The following JAKMIP2 variants were observed in gnomAD, a reference collection of about 807,000 sequenced individuals.
JAKMIP2 encodes the protein janus kinase and microtubule interacting protein 2, also known as janus kinase and microtubule-interacting protein 2.
Under a neutral mutation model 115.0 loss-of-function variants are expected in JAKMIP2, and 25 were observed. That is an observed-to-expected ratio of 0.22 (90% CI 0.16 to 0.30). The LOEUF (loss-of-function observed/expected upper bound fraction) is 0.30. Among genes scored for constraint, JAKMIP2 ranks in the 10% least tolerant of loss-of-function variants. The pLI is 1.00. For synonymous variants in JAKMIP2, 334 were observed against 343.6 expected (o/e 0.97, Z 0.31); for missense variants, 642 against 957.6 (o/e 0.67, Z 4.35).
chr5:147,685,582 A>C (rs985135157), intron 1 of JAKMIP2, among the ~76,000 whole-genome samples: 3 of 152,196 alleles, frequency 2.0e-5, no homozygotes, highest in African/African-American at 7.2e-5. Context: ...GAAATACTTC[A>C]GTTTGTTTTT....
intron 21 of JAKMIP2, among the ~76,000 whole-genome samples, chr5:147,593,112 CAGAGAACTGA>C (rs961384989): frequency 7.9e-5 from 12 of 152,200 alleles, no homozygotes; most frequent in African/African-American, 2.9e-4. Context: ...TATATGTGAG[CAGAGAACTGA>C]AGAGTGATGA....
intron 1 of JAKMIP2, among the ~76,000 whole-genome samples, chr5:147,770,328 T>C (rs1004340920): frequency 6.6e-6 from 1 of 152,066 alleles, no homozygotes; most frequent in African/African-American, 2.4e-5. Flanking sequence ...TTGCTCCACC[T>C]GGGTCAGAGG....
rs4705178 is a variant in JAKMIP2, at chr5:147,586,648, T to C, written c.*5059A>G. On this transcript the variant is annotated 3_prime_UTR_variant, in exon 22 of 22. Transcript: ENST00000616793. ...ACCCTCACCAAATCAACCACGTGTA[T>C]CTCTGCCACATTAATTTGAATATAG... is the stretch of plus-strand genomic sequence containing the variant. 0.95 allele frequency: 145,324 copies of C among 152,220 alleles called. 69,727 individuals carry two copies. The highest frequency in any genetic ancestry group is 1 in the East Asian group (5,186 of 5,186). The allele number at this position is 152,220 out of a possible 1,614,324, so 9.4% of individuals were successfully genotyped here. A position where few individuals can be genotyped will look rare whatever the true frequency, so the allele number is the denominator to read the frequency against.
At chr5:147,695,173 A>G (rs1312498058) in intron 1 of JAKMIP2, among the ~76,000 whole-genome samples, 1 of 152,146 alleles carries the variant, frequency 6.6e-6, no homozygotes, top group Non-Finnish European at 1.5e-5. Flanking sequence ...TTTTTGTACT[A>G]AGTTTGGCAG....
At chr5:147,720,070 C>T (rs985443266) in intron 1 of JAKMIP2, among the ~76,000 whole-genome samples, 67 of 152,078 alleles carry the variant, frequency 4.4e-4, no homozygotes, top group African/African-American at 1.5e-3. Flanking sequence ...TCAGCATTTG[C>T]TTGTCTGTAA....
At chr5:147,638,496 T>G (rs1455874330) in intron 10 of JAKMIP2, among the ~76,000 whole-genome samples, 1 of 152,228 alleles carries the variant, frequency 6.6e-6, no homozygotes, top group African/African-American at 2.4e-5. Context: ...CATTCCTTTG[T>G]AATGATTGCT....
chr5:147,661,074 G>C lies in JAKMIP2; in HGVS notation c.501C>G (p.Asp167Glu), dbSNP rs557158499. ...CTTGGATCATATTGCTCAGAGCCTC[G>C]TCCACCTGCTTCTTGGCCGTTTTCA... ...ADLKTAKKQV[D>E]EALSNMIQAD... Residue 167 changes from aspartate (D) to glutamate (E), a missense_variant, in exon 3 of 22, where the codon GAC (aspartate) becomes GAG (glutamate). Physicochemically the swap from Asp to Glu is conservative, Grantham distance 45. Transcript: ENST00000616793. 6 of 1,613,894 alleles carry C rather than the reference G, an allele frequency of 3.7e-6. No individual in the cohort carries two copies. The highest frequency in any genetic ancestry group is 5.1e-6 in the Non-Finnish European group (6 of 1,180,004).
At position 147,588,701 on chromosome 5, in the gene JAKMIP2, A is replaced by G. The variant is rs1311959716; in HGVS notation, c.*3006T>C. 6.6e-6 allele frequency: 1 copy of G among 152,186 alleles called. No homozygotes were observed. Among genetic ancestry groups the G allele is most frequent in the Non-Finnish European group, 1.5e-5 (1 of 68,034 alleles). 9.4% of individuals were successfully genotyped at this position (152,186 alleles called of 1,614,324 possible). On this transcript the variant is annotated 3_prime_UTR_variant, in exon 22 of 22. Coordinates refer to ENST00000616793, the MANE Select transcript of JAKMIP2 (RefSeq NM_001270941.2). The stretch of plus-strand genomic sequence containing the variant: ...CCCAGATCTTAAGCAAAAAGAAAAA[A>G]CAAGCAAACCTTTTGCCTGGCCCTA...
At chr5:147,660,580 C>T in intron 3 of JAKMIP2, 1 of 387,870 alleles carries the variant, frequency 2.6e-6, no homozygotes, top group Non-Finnish European at 5.1e-6. Context: ...CCCACAAAAA[C>T]ATGCTGACTT....
At chr5:147,781,803 A>G (rs1755766624) in intron 1 of JAKMIP2, among the ~76,000 whole-genome samples, 1 of 152,240 alleles carries the variant, frequency 6.6e-6, no homozygotes, top group South Asian at 2.1e-4. Context: ...CACACCCTAC[A>G]TATAAATATG....
At chr5:147,737,244 G>C (rs1753960104) in intron 1 of JAKMIP2, among the ~76,000 whole-genome samples, 2 of 152,228 alleles carry the variant, frequency 1.3e-5, no homozygotes, top group African/African-American at 4.8e-5. Flanking sequence ...TTCTAGTCTT[G>C]TTATAACTCT....
chr5:147,689,316 T>C lies in JAKMIP2; in HGVS notation c.-148-17362A>G, dbSNP rs551350991. ...GATTTAAGCTTTTACTCAGAGTGGG[T>C]AGGAAGCCACAGGAGGAGTTGAGAG... On this transcript the variant is annotated intron_variant, in intron 1 of 21. Coordinates refer to ENST00000616793, the MANE Select transcript of JAKMIP2 (RefSeq NM_001270941.2). Among the ~76,000 whole-genome samples the C allele has an allele frequency of 6.6e-5, 10 of 152,236 alleles. No individual in the cohort carries two copies. The South Asian group carries it at 2.1e-3, about 32-fold the overall frequency.
At chr5:147,768,137 C>T (rs1431684311) in intron 1 of JAKMIP2, among the ~76,000 whole-genome samples, 2 of 151,994 alleles carry the variant, frequency 1.3e-5, no homozygotes, top group African/African-American at 4.8e-5. Context: ...ATTCATGTGC[C>T]TTGATTGATG....
chr5:147,608,739 C>G (rs1408342984), intron 20 of JAKMIP2, among the ~76,000 whole-genome samples: 2 of 152,134 alleles, frequency 1.3e-5, no homozygotes, highest in African/African-American at 4.8e-5. Flanking sequence ...TGTTAGTTTT[C>G]TGCCTTGTTG....
chr5:147,637,435 TG>T (rs1214823643), intron 10 of JAKMIP2, among the ~76,000 whole-genome samples: 10 of 113,632 alleles, frequency 8.8e-5, no homozygotes, highest in African/African-American at 3.4e-4. Context: ...CAAATTCTTT[TG>T]ATTTTTTTTT....
intron 12 of JAKMIP2, among the ~76,000 whole-genome samples, chr5:147,635,921 G>C (rs1341947590): frequency 6.6e-6 from 1 of 152,122 alleles, no homozygotes; most frequent in East Asian, 1.9e-4. Flanking sequence ...GTGTGTGCGT[G>C]TATGTATATA....
At chr5:147,629,644 C>T in intron 15 of JAKMIP2, 49 bp downstream of exon 15, 1 of 1,383,702 alleles carries the variant, frequency 7.2e-7, no homozygotes, top group Non-Finnish European at 1.0e-6. Flanking sequence ...GTATCTCTTG[C>T]CTCTGTTTAG....
chr5:147,702,675 A>C (rs1752419089), intron 1 of JAKMIP2, among the ~76,000 whole-genome samples: 1 of 142,376 alleles, frequency 7.0e-6, no homozygotes, highest in Non-Finnish European at 1.5e-5. Flanking sequence ...AGAGAGAAAG[A>C]AAGAGAAAGA....
At chr5:147,749,280 G>T (rs2127016673) in intron 1 of JAKMIP2, among the ~76,000 whole-genome samples, 1 of 151,824 alleles carries the variant, frequency 6.6e-6, no homozygotes, top group South Asian at 2.1e-4. Context: ...TTTACTATGT[G>T]CCAGGCATAG....
Sources: allele counts gnomAD v4.1 joint callset (sites outside exome capture counted in the v4.1 genomes callset), GRCh38; gene constraint gnomAD v4.1.1; transcripts MANE v1.5; gene names NCBI Gene and HGNC (gene_info 2026-07-23, HGNC 2026-07-21).